The following STAT4 variants were observed in gnomAD, a reference collection of about 807,000 sequenced individuals.
STAT4 encodes signal transducer and activator of transcription 4.
Under a neutral mutation model 110.5 loss-of-function variants are expected in STAT4, and 42 were observed. The observed-to-expected ratio is 0.38, with a 90% CI of 0.30 to 0.49. The LOEUF is 0.49. STAT4 is among the 20% of genes least tolerant of loss of function. STAT4 has a pLI of 0.95. For missense variants in STAT4, 632 were observed against 887.9 expected, an observed-to-expected ratio of 0.71 and a Z score of 3.66; for synonymous variants, 284 against 302.2, an observed-to-expected ratio of 0.94 and a Z score of 0.63.
At chr2:191,055,365 A>AT (rs371295889) in intron 13 of STAT4, among the ~76,000 whole-genome samples, 18 of 96,930 alleles carry the variant, frequency 1.9e-4, no homozygotes, top group African/African-American at 6.5e-4. Context: ...AGCCTGGCTA[A>AT]TTTTTTTTTT....
At position 191,091,365 on chromosome 2, in the gene STAT4, A is replaced by C. The variant is rs1471090587; in HGVS notation, c.274-15040T>G. 6.6e-6 allele frequency among the ~76,000 whole-genome samples: 1 copy of C among 152,202 alleles called. No homozygotes were observed. Among genetic ancestry groups the C allele is most frequent in the African/African-American group, 2.4e-5 (1 of 41,434 alleles). ...AATTTAAAAAACAGGAACGAATTTA[A>C]CAAAGAAGATACAGGTCTTACATGA... On this transcript the variant is annotated intron_variant, in intron 3 of 23. Coordinates refer to ENST00000392320, the MANE Select transcript of STAT4 (RefSeq NM_003151.4). This position sits in a 1 kb window ranked among gnomAD's most constrained non-coding sequence, Gnocchi z 5.4.
At position 191,053,930 on chromosome 2, in the gene STAT4, C is replaced by T. The variant is rs1275128462; in HGVS notation, c.1251+560G>A. Among the ~76,000 whole-genome samples, 1 of 151,996 alleles carries T rather than the reference C, an allele frequency of 6.6e-6. No homozygotes were observed. The highest frequency in any genetic ancestry group is 2.4e-5 in the African/African-American group (1 of 41,398). ...ATCACTTGAGCCAAGGGGTTCAAGACCAGCCTGGGAAACATGGTGGGACTC... is the reference window on the plus strand; with the variant it reads ...ATCACTTGAGCCAAGGGGTTCAAGATCAGCCTGGGAAACATGGTGGGACTC... On this transcript the variant is annotated intron_variant, in intron 14 of 23. Transcript: ENST00000392320. This position sits in a 1 kb window ranked among gnomAD's most constrained non-coding sequence, Gnocchi z 4.5.
rs775951674 is a variant in STAT4, at chr2:191,029,760, T to C, written c.*80A>G. The C allele has an allele frequency of 4.5e-5, 58 of 1,302,780 alleles. 1 individual carries two copies. The highest frequency in any genetic ancestry group is 6.1e-5 in the Non-Finnish European group (56 of 919,460). The allele number at this position is 1,302,780 out of a possible 1,614,324, so 80.7% of individuals were successfully genotyped here. ...CCTGGTATTTACAAAGCTGAAGAAA[T>C]AAAATGTGGTTATTGGGCAAAGAAC... On this transcript the variant is annotated 3_prime_UTR_variant, in exon 24 of 24. Coordinates refer to ENST00000392320, the MANE Select transcript of STAT4 (RefSeq NM_003151.4). The surrounding 1 kb of genome is among the most constrained non-coding windows in gnomAD (Gnocchi z 4.5).
chr2:191,131,917 G>A, intron 3 of STAT4: 1 of 1,390,446 alleles, frequency 7.2e-7, no homozygotes, highest in Non-Finnish European at 9.3e-7. Flanking sequence ...CAAATTAGAG[G>A]TCTGTTTATT....
At chr2:191,095,783 T>TA (rs1697953813) in intron 3 of STAT4, among the ~76,000 whole-genome samples, 1 of 152,084 alleles carries the variant, frequency 6.6e-6, no homozygotes, top group Non-Finnish European at 1.5e-5. Context: ...CTGAAAGAGA[T>TA]AGAGACACAC....
chr2:191,065,091 C>T, intron 7 of STAT4, 133 bp from the exon 8 acceptor site: 1 of 929,264 alleles, frequency 1.1e-6, no homozygotes, highest in South Asian at 2.1e-5. Context: ...TAAATGCTAG[C>T]TTCTATTTGC....
Position 191,066,007 on chromosome 2 carries a change from T to C in STAT4, c.630+423A>G, listed in dbSNP as rs2125240317. ...ATCTAGGAAATTGCTTAACACTACGTCATTTCTCAGAGTAGAAACTAGAAC... is the reference window on the plus strand; with the variant it reads ...ATCTAGGAAATTGCTTAACACTACGCCATTTCTCAGAGTAGAAACTAGAAC... On this transcript the variant is annotated intron_variant, in intron 7 of 23. Coordinates refer to ENST00000392320, the MANE Select transcript of STAT4 (RefSeq NM_003151.4). The surrounding 1 kb of genome is among the most constrained non-coding windows in gnomAD (Gnocchi z 4.3). Among the ~76,000 whole-genome samples the C allele has an allele frequency of 6.6e-6, 1 of 152,336 alleles. No homozygotes were observed. Among genetic ancestry groups the C allele is most frequent in the African/African-American group, 2.4e-5 (1 of 41,582 alleles).
intron 3 of STAT4, among the ~76,000 whole-genome samples, chr2:191,093,258 A>C (rs1574147875): frequency 6.6e-6 from 1 of 152,038 alleles, no homozygotes; most frequent in East Asian, 1.9e-4. Context: ...TGGATCCCTG[A>C]CCCCTGTGTA....
rs933016975 is a variant in STAT4 at position 191,033,460 on chromosome 2, T to C, written c.1852+30A>G. ...GTAACCAAATTTAAGAAAACTAATT[T>C]CACATGAATAAACATTAGTGAGTAT... On this transcript the variant is annotated intron_variant, in intron 20 of 23. Transcript: ENST00000392320. The surrounding 1 kb of genome is among the most constrained non-coding windows in gnomAD (Gnocchi z 6.9). The C allele has an allele frequency of 3.2e-6, 5 of 1,585,010 alleles. No individual in the cohort carries two copies. Among genetic ancestry groups the C allele is most frequent in the Non-Finnish European group, 4.3e-6 (5 of 1,168,890 alleles).
Position 191,113,167 on chromosome 2 carries a change from A to T in STAT4, c.273+33446T>A, listed in dbSNP as rs1698473577. 6.6e-6 allele frequency among the ~76,000 whole-genome samples: 1 copy of T among 152,206 alleles called. No individual in the cohort carries two copies. ...CTTTGCTTATGAAGATCCTGCCCAT[A>T]CAATTACAGCCAGTGCTGGCAGACA... is the stretch of plus-strand genomic sequence containing the variant. On this transcript the variant is annotated intron_variant, in intron 3 of 23. Coordinates refer to ENST00000392320, the MANE Select transcript of STAT4 (RefSeq NM_003151.4). The surrounding 1 kb of genome is among the most constrained non-coding windows in gnomAD (Gnocchi z 4.8).
At chr2:191,072,962 T>C (rs1697208993) in intron 5 of STAT4, 136 bp downstream of exon 5, 1 of 598,076 alleles carries the variant, frequency 1.7e-6, no homozygotes, top group Non-Finnish European at 2.9e-6. Flanking sequence ...AAACATAGTA[T>C]GTGAGAGATA....
Position 191,083,733 on chromosome 2 carries a change from G to A in STAT4, c.274-7408C>T, listed in dbSNP as rs1318502220. Among the ~76,000 whole-genome samples the A allele has an allele frequency of 1.1e-4, 16 of 152,176 alleles. No individual in the cohort carries two copies. Among genetic ancestry groups the A allele is most frequent in the Non-Finnish European group, 2.1e-4 (14 of 68,006 alleles). On this transcript the variant is annotated intron_variant, in intron 3 of 23. Coordinates refer to ENST00000392320, the MANE Select transcript of STAT4 (RefSeq NM_003151.4). The surrounding 1 kb of genome is among the most constrained non-coding windows in gnomAD (Gnocchi z 4.6). ...CCTTTGCATCACAAATACTGCTGTT[G>A]AGTCATTTTTATCTTTATTCCTCGC...
rs906754690 is a variant in STAT4 at position 191,043,704 on chromosome 2, G to A, written c.1252-2556C>T. On this transcript the variant is annotated intron_variant, in intron 14 of 23. Transcript: ENST00000392320. The surrounding 1 kb of genome is among the most constrained non-coding windows in gnomAD (Gnocchi z 4.8). ...GAATGCTAAAATGATTCATCAATAG[G>A]AGAATAGCTAGCTATACTGTGTATA... Among the ~76,000 whole-genome samples the A allele has an allele frequency of 2.0e-5, 3 of 151,874 alleles. No individual in the cohort carries two copies. The highest frequency in any genetic ancestry group is 7.3e-5 in the African/African-American group (3 of 41,316).
intron 3 of STAT4, among the ~76,000 whole-genome samples, chr2:191,102,862 C>T (rs368246381): frequency 2.6e-5 from 4 of 152,138 alleles, no homozygotes; most frequent in East Asian, 3.9e-4. Flanking sequence ...TGTGTGTTGG[C>T]GCTTCTGTGT....
chr2:191,066,933 A>T lies in STAT4; in HGVS notation c.545-418T>A, dbSNP rs552153478. Among the ~76,000 whole-genome samples, 5 of 152,150 alleles carry T rather than the reference A, an allele frequency of 3.3e-5. No homozygotes were observed. Among genetic ancestry groups the T allele is most frequent in the African/African-American group, 1.2e-4 (5 of 41,510 alleles). On this transcript the variant is annotated intron_variant, in intron 6 of 23. Coordinates refer to ENST00000392320, the MANE Select transcript of STAT4 (RefSeq NM_003151.4). The surrounding 1 kb of genome is among the most constrained non-coding windows in gnomAD (Gnocchi z 4.3). ...ATATTTGACTCTCTGTTGCCTTCAC[A>T]TACCCCTCCCTGCTCTGCTTCATAT...
intron 3 of STAT4, among the ~76,000 whole-genome samples, chr2:191,097,162 G>A (rs1021849046): frequency 2.6e-5 from 4 of 152,132 alleles, no homozygotes; most frequent in Non-Finnish European, 4.4e-5. Flanking sequence ...TCATGGATAG[G>A]AAGAATCAAT....
chr2:191,130,089 T>C (rs1698991654), intron 3 of STAT4, among the ~76,000 whole-genome samples: 1 of 152,178 alleles, frequency 6.6e-6, no homozygotes, highest in Non-Finnish European at 1.5e-5. Context: ...TCTTGTATAA[T>C]AACTGGGAAT....
rs1698565963 is a variant in STAT4, at chr2:191,116,182, G to A, written c.273+30431C>T. ...GGTACTCTTCCATTCCCAATGTGAAGCTAAGATCACATATGTACCCTTTGT... is the reference window on the plus strand; with the variant it reads ...GGTACTCTTCCATTCCCAATGTGAAACTAAGATCACATATGTACCCTTTGT... On this transcript the variant is annotated intron_variant, in intron 3 of 23. Transcript: ENST00000392320. The surrounding 1 kb of genome is among the most constrained non-coding windows in gnomAD (Gnocchi z 4.1). Among the ~76,000 whole-genome samples, 1 of 152,182 alleles carries A rather than the reference G, an allele frequency of 6.6e-6. No homozygotes were observed.
In STAT4 at chr2:191,116,222, A is replaced by G. The variant is rs541127498; in HGVS notation, c.273+30391T>C. 5.0e-4 allele frequency among the ~76,000 whole-genome samples: 76 copies of G among 152,312 alleles called. No individual in the cohort carries two copies. The highest frequency in any genetic ancestry group is 1.8e-3 in the African/African-American group (73 of 41,562). ...GTACCCTTTGTTCACTGATGCTGAC[A>G]AGAGGGAATTGGTTTGATAATACAG... On this transcript the variant is annotated intron_variant, in intron 3 of 23. Transcript: ENST00000392320. The surrounding 1 kb of genome is among the most constrained non-coding windows in gnomAD (Gnocchi z 4.1).
Sources: gnomAD v4.1 joint callset for allele counts (sites outside exome capture counted in the v4.1 genomes callset) on GRCh38, gnomAD v4.1.1 for gene constraint, Gnocchi (gnomAD v3.1) non-coding constraint, MANE v1.5 for transcripts, NCBI Gene and HGNC (gene_info 2026-07-23, HGNC 2026-07-21) for gene names.